DPP10: variants seen among roughly 807,000 people sequenced by gnomAD.
DPP10 encodes the protein dipeptidyl peptidase like 10, also known as inactive dipeptidyl peptidase 10.
DPP10 carries 33 observed loss-of-function variants against 120.9 expected under a neutral mutation model. That is an observed-to-expected ratio of 0.27 (90% CI 0.21 to 0.37). The LOEUF (loss-of-function observed/expected upper bound fraction) is 0.37, where lower values mean the gene tolerates loss of function less well. DPP10 is among the 10% of genes least tolerant of loss of function. The probability of loss-of-function intolerance (pLI) is 1.00; values close to 1 mark genes in which losing one functional copy is unlikely to be tolerated. For missense variants in DPP10, 816 were observed against 942.8 expected (o/e 0.87, Z 1.76); for synonymous variants, 337 against 326.1 (o/e 1.03, Z -0.36).
At chr2:114,933,773 A>G (rs1276445046) in intron 1 of DPP10, among the ~76,000 whole-genome samples, 1 of 152,182 alleles carries the variant, frequency 6.6e-6, no homozygotes, top group Non-Finnish European at 1.5e-5. Flanking sequence ...GACTGTTTAC[A>G]AAGGTTGTCG....
At chr2:114,455,573 G>C (rs994140816) in intron 1 of DPP10, among the ~76,000 whole-genome samples, 29 of 151,750 alleles carry the variant, frequency 1.9e-4, no homozygotes, top group Admixed American at 6.6e-4. Flanking sequence ...AAATACAGCT[G>C]TAGTTGGCTT....
intron 1 of DPP10, among the ~76,000 whole-genome samples, chr2:114,851,450 TA>T (rs1165949107): frequency 6.6e-6 from 1 of 152,210 alleles, no homozygotes; most frequent in Non-Finnish European, 1.5e-5. Flanking sequence ...TTCCATTTTA[TA>T]GGAGCTATTT....
intron 1 of DPP10, among the ~76,000 whole-genome samples, chr2:114,757,245 GGAAA>G (rs1274824170): frequency 7.6e-6 from 1 of 131,688 alleles, no homozygotes; most frequent in Non-Finnish European, 1.6e-5. Context: ...GAGGAAGGAA[GGAAA>G]GAAAGGGAAG....
Position 115,814,928 on chromosome 2 carries a change from G to C in DPP10, c.1836G>C (p.Leu612Phe). Reference sequence around the variant, plus strand: ...GTGGATTCCAGGGTCTGAAAATTTTGCAGGAGATTCATCGAAGATTAGGTT... The same window carrying C: ...GTGGATTCCAGGGTCTGAAAATTTTCCAGGAGATTCATCGAAGATTAGGTT... Reference protein sequence around the residue: ...RGSGFQGLKILQEIHRRLGSV... With the variant: ...RGSGFQGLKIFQEIHRRLGSV... The change falls in exon 20 of 26, where the codon TTG becomes TTC. Residue 612 changes from leucine to phenylalanine, a missense_variant. Around this residue, in one of 3 missense-constraint regions of DPP10, gnomAD observed 592 missense variants for 649.0 expected, o/e 0.91. Transcript: ENST00000410059. The C allele has an allele frequency of 6.2e-7, 1 of 1,612,556 alleles. No homozygotes were observed. Among genetic ancestry groups the C allele is most frequent in the Non-Finnish European group, 8.5e-7 (1 of 1,178,902 alleles).
intron 7 of DPP10, among the ~76,000 whole-genome samples, chr2:115,692,200 T>G (rs1575538295): frequency 1.4e-5 from 1 of 69,302 alleles, no homozygotes; most frequent in Admixed American, 2.1e-4. Flanking sequence ...GGTTACTGGG[T>G]TAAGTTTTAC....
rs188290299 is a variant in DPP10 at position 115,705,803 on chromosome 2, G to T, written c.576+15882G>T. On this transcript the variant is annotated intron_variant, in intron 7 of 25. Coordinates refer to ENST00000410059, the MANE Select transcript of DPP10 (RefSeq NM_020868.6). ...AAATCGAATGTTCCTGCTTTTAGTTGCAGGGTATAAAAACAATCTCCCTTA... is the reference window on the plus strand; with the variant it reads ...AAATCGAATGTTCCTGCTTTTAGTTTCAGGGTATAAAAACAATCTCCCTTA... 1.4e-3 allele frequency among the ~76,000 whole-genome samples: 212 copies of T among 151,858 alleles called. 1 individual carries two copies. Among genetic ancestry groups the T allele is most frequent in the Non-Finnish European group, 2.2e-3 (148 of 67,870 alleles).
At chr2:115,163,154 C>A (rs900640745) in intron 1 of DPP10, among the ~76,000 whole-genome samples, 11 of 152,120 alleles carry the variant, frequency 7.2e-5, no homozygotes, top group African/African-American at 9.7e-5. Context: ...AGGGAGCGCA[C>A]GCGGCTAGGC....
chr2:115,605,839 A>G (rs1446156758), intron 5 of DPP10, among the ~76,000 whole-genome samples: 1 of 152,094 alleles, frequency 6.6e-6, no homozygotes, highest in Non-Finnish European at 1.5e-5. Context: ...CAACAATATT[A>G]TGAATGCAAA....
At chr2:115,757,760 T>A (rs904405798) in intron 11 of DPP10, among the ~76,000 whole-genome samples, 1 of 139,332 alleles carries the variant, frequency 7.2e-6, no homozygotes, top group East Asian at 2.2e-4. Flanking sequence ...ATTGGTTTAA[T>A]ATTGAAAACC....
intron 11 of DPP10, among the ~76,000 whole-genome samples, chr2:115,760,179 C>G (rs1679942416): frequency 6.6e-6 from 1 of 152,126 alleles, no homozygotes; most frequent in Non-Finnish European, 1.5e-5. Context: ...TAATTGTCCA[C>G]TAACAGGAAA....
chr2:114,981,725 C>T (rs1700102119), intron 1 of DPP10, among the ~76,000 whole-genome samples: 1 of 151,986 alleles, frequency 6.6e-6, no homozygotes, highest in Non-Finnish European at 1.5e-5. Context: ...GGACTACAAG[C>T]TCATGCCATC....
At chr2:114,697,885 C>T (rs1420900525) in intron 1 of DPP10, among the ~76,000 whole-genome samples, 1 of 151,956 alleles carries the variant, frequency 6.6e-6, no homozygotes, top group Admixed American at 6.6e-5. Context: ...GGCAGAAGTA[C>T]ACCTCTCTGA....
intron 1 of DPP10, among the ~76,000 whole-genome samples, chr2:114,917,837 C>T (rs1394916105): frequency 6.6e-6 from 1 of 152,000 alleles, no homozygotes; most frequent in Non-Finnish European, 1.5e-5. Context: ...AACATAAAAC[C>T]TAAAAGTATA....
rs369823432 is a variant in DPP10, at chr2:114,913,236, G to A, written c.61-396003G>A. On this transcript the variant is annotated intron_variant, in intron 1 of 25. Coordinates refer to ENST00000410059, the MANE Select transcript of DPP10 (RefSeq NM_020868.6). ...TACCCATGCACAGCCTTCCCCCATC[G>A]GCGTGCACTCGCCTGCAGCCTCCTC... 3.7e-4 allele frequency among the ~76,000 whole-genome samples: 56 copies of A among 152,242 alleles called. 2 individuals carry two copies. In the East Asian group the frequency reaches 9.3e-3, roughly 25 times the overall value.
At chr2:115,474,997 G>T (rs1385207214) in intron 3 of DPP10, among the ~76,000 whole-genome samples, 1 of 152,010 alleles carries the variant, frequency 6.6e-6, no homozygotes, top group Non-Finnish European at 1.5e-5. Flanking sequence ...GCTCCAGCCA[G>T]AAAATTTGCA....
chr2:115,523,409 A>AC (rs1370940373), intron 4 of DPP10, among the ~76,000 whole-genome samples: 1 of 150,884 alleles, frequency 6.6e-6, no homozygotes, highest in African/African-American at 2.4e-5. Flanking sequence ...AAAAAAAAAA[A>AC]AAAAAAAAAA....
intron 12 of DPP10, among the ~76,000 whole-genome samples, chr2:115,766,310 G>GTGTGTGTGTGTATATATATA (rs1371625141): frequency 1.2e-5 from 1 of 81,738 alleles, no homozygotes; most frequent in Non-Finnish European, 2.5e-5. Context: ...GTGTGTGTGT[G>GTGTGTGTGTGTATATATATA]TATATATATA....
intron 1 of DPP10, among the ~76,000 whole-genome samples, chr2:115,018,993 G>T (rs937737410): frequency 6.6e-6 from 1 of 151,886 alleles, no homozygotes; most frequent in Non-Finnish European, 1.5e-5. Flanking sequence ...AGCTGCTGCA[G>T]CAGGACCCAG....
intron 1 of DPP10, among the ~76,000 whole-genome samples, chr2:115,192,220 C>T (rs2054933142): frequency 6.6e-6 from 1 of 152,192 alleles, no homozygotes; most frequent in Non-Finnish European, 1.5e-5. Flanking sequence ...GCATTATTAG[C>T]AGTTGTACTT....
Sources: allele counts gnomAD v4.1 joint callset (sites outside exome capture counted in the v4.1 genomes callset), GRCh38; gene constraint gnomAD v4.1.1; regional missense constraint gnomAD v4.1.1; transcripts MANE v1.5; gene names NCBI Gene and HGNC (gene_info 2026-07-23, HGNC 2026-07-21).